ANKS6: variants seen among roughly 807,000 people sequenced by gnomAD.
The protein encoded by ANKS6 is ankyrin repeat and sterile alpha motif domain containing 6.
ANKS6 carries 47 observed loss-of-function variants against 77.9 expected under a neutral mutation model. The observed-to-expected ratio is 0.60, with a 90% CI of 0.48 to 0.77. ANKS6 has a LOEUF of 0.77. ANKS6 is among the 30% of genes least tolerant of loss of function. ANKS6 has a pLI of 0.00. For synonymous variants in ANKS6, 488 were observed against 501.7 expected (o/e 0.97, Z 0.37); for missense variants, 1,150 against 1,159.1 (o/e 0.99, Z 0.11).
chr9:98,762,739 GA>G (rs1352410857), intron 11 of ANKS6, among the ~76,000 whole-genome samples: 4 of 152,130 alleles, frequency 2.6e-5, no homozygotes, highest in Admixed American at 2.0e-4. Context: ...CACTTGGTCA[GA>G]AGGTATTATA....
chr9:98,766,866 T>C (rs1833326332), intron 11 of ANKS6, among the ~76,000 whole-genome samples: 1 of 152,304 alleles, frequency 6.6e-6, no homozygotes, highest in Admixed American at 6.5e-5. Context: ...CTTTCTGTGT[T>C]TGGACTTTTC....
At chr9:98,779,179 G>C (rs1339751762) in intron 6 of ANKS6, among the ~76,000 whole-genome samples, 1 of 152,224 alleles carries the variant, frequency 6.6e-6, no homozygotes, top group African/African-American at 2.4e-5. Flanking sequence ...CAAGACCAGT[G>C]TGTTGTTTTG....
chr9:98,791,435 G>C lies in ANKS6; in HGVS notation c.360-829C>G, dbSNP rs1020467776. Among the ~76,000 whole-genome samples the C allele has an allele frequency of 1.3e-5, 2 of 152,164 alleles. No individual in the cohort carries two copies. Among genetic ancestry groups the C allele is most frequent in the African/African-American group, 4.8e-5 (2 of 41,434 alleles). On this transcript the variant is annotated intron_variant, in intron 1 of 14. Coordinates refer to ENST00000353234, the MANE Select transcript of ANKS6 (RefSeq NM_173551.5). The surrounding 1 kb of genome is among the most constrained non-coding windows in gnomAD (Gnocchi z 4.3). Reference sequence around the variant, plus strand: ...TCACTGCTGGGCCCCTGAAGAGAAAGATCTGCACCCACCAACTTCCTAGTA... The same window carrying C: ...TCACTGCTGGGCCCCTGAAGAGAAACATCTGCACCCACCAACTTCCTAGTA...
chr9:98,753,731 C>T (rs1241844310), intron 12 of ANKS6, among the ~76,000 whole-genome samples: 1 of 152,086 alleles, frequency 6.6e-6, no homozygotes, highest in African/African-American at 2.4e-5. Context: ...GAAAGTGAAG[C>T]TGAGCAGAGA....
In ANKS6 at chr9:98,783,990, G is replaced by C. The variant is rs1474535397; in HGVS notation, c.1075C>G (p.His359Asp). 3.1e-6 allele frequency: 5 copies of C among 1,606,606 alleles called. No individual in the cohort carries two copies. The highest frequency in any genetic ancestry group is 1.3e-5 in the African/African-American group (1 of 74,756). Reference protein sequence around the residue: ...HADVDKQDSVHGWTALMQATY... With the variant: ...HADVDKQDSVDGWTALMQATY... ...GCCTGCATGAGGGCCGTCCAGCCAT[G>C]CACGCTGTCCTGCTTGTCAACATCC... The change falls in exon 4 of 15, where the codon CAT becomes GAT. Residue 359 changes from histidine to aspartate, a missense_variant. By Grantham distance (81) the His-to-Asp change is moderately conservative. Transcript: ENST00000353234.
Position 98,780,220 on chromosome 9 carries a change from G to A in ANKS6, c.1337C>T (p.Pro446Leu), listed in dbSNP as rs559975235. 6.2e-7 allele frequency: 1 copy of A among 1,614,094 alleles called. No homozygotes were observed. The highest frequency in any genetic ancestry group is 1.1e-5 in the South Asian group (1 of 91,040). ...TCCACCCTTGTCATCGGGCAGCACTGGGATGCTCCAGGGCTGTCGGACCTT... is the reference window on the plus strand; with the variant it reads ...TCCACCCTTGTCATCGGGCAGCACTAGGATGCTCCAGGGCTGTCGGACCTT... ...HSKVRQPWSI[P>L]VLPDDKGGLK... Residue 446 changes from proline (P) to leucine (L), a missense_variant, in exon 6 of 15, where the codon CCA becomes CTA. Pro to Leu is a moderately conservative substitution (Grantham distance 98). Transcript: ENST00000353234.
At chr9:98,792,745 A>G (rs935699624) in intron 1 of ANKS6, among the ~76,000 whole-genome samples, 2 of 152,242 alleles carry the variant, frequency 1.3e-5, no homozygotes, top group African/African-American at 4.8e-5. Flanking sequence ...TTACAGTGGA[A>G]AGCAATTAAT....
intron 4 of ANKS6, 61 bp from the exon 5 acceptor site, chr9:98,782,634 A>C (rs1266087347): frequency 6.2e-6 from 8 of 1,295,568 alleles, no homozygotes; most frequent in Non-Finnish European, 7.8e-6. Context: ...GCTCCTGGGC[A>C]ACAAAACCAA....
chr9:98,752,744 A>AAGCCCAGTGGTCT, intron 12 of ANKS6, among the ~76,000 whole-genome samples: 1 of 152,188 alleles, frequency 6.6e-6, no homozygotes, highest in East Asian at 1.9e-4. Context: ...GCAGGGACTC[A>AAGCCCAGTGGTCT]AGCCCAGTGG....
rs7870978 is a variant in ANKS6 at position 98,792,443 on chromosome 9, T to C, written c.360-1837A>G. On this transcript the variant is annotated intron_variant, in intron 1 of 14. Transcript: ENST00000353234. ...CATATTGTTTCCCCAGCCCCTACCATAGTGGCTGATCCACATCGGAGCTCA... is the reference window on the plus strand; with the variant it reads ...CATATTGTTTCCCCAGCCCCTACCACAGTGGCTGATCCACATCGGAGCTCA... 9.4e-3 allele frequency among the ~76,000 whole-genome samples: 1,426 copies of C among 152,244 alleles called. 13 individuals are homozygous for C. The highest frequency in any genetic ancestry group is 0.027 in the African/African-American group (1,102 of 41,552).
chr9:98,735,912 A>G lies in ANKS6; in HGVS notation c.*607T>C. On this transcript the variant is annotated 3_prime_UTR_variant, in exon 15 of 15. Transcript: ENST00000353234. Reference sequence around the variant, plus strand: ...CTGAAAGGGGGTCAAAAAAGACTTCATCTGAGAGGTGACTTGGACTAGGAG... The same window carrying G: ...CTGAAAGGGGGTCAAAAAAGACTTCGTCTGAGAGGTGACTTGGACTAGGAG... 1 of 1,231,326 alleles carries G rather than the reference A, an allele frequency of 8.1e-7. No individual in the cohort carries two copies. The highest frequency in any genetic ancestry group is 1.0e-6 in the Non-Finnish European group (1 of 988,282). 76.3% of individuals were successfully genotyped at this position (1,231,326 alleles called of 1,614,324 possible). A position where few individuals can be genotyped will look rare whatever the true frequency, so the allele number is the denominator to read the frequency against.
intron 11 of ANKS6, among the ~76,000 whole-genome samples, chr9:98,759,990 AAC>A (rs1210700728): frequency 1.3e-5 from 2 of 152,238 alleles, no homozygotes; most frequent in African/African-American, 4.8e-5. Flanking sequence ...GAATCTTCCC[AAC>A]ACAAAGAAAT....
At chr9:98,744,523 G>A (rs1211381685) in intron 14 of ANKS6, among the ~76,000 whole-genome samples, 3 of 152,218 alleles carry the variant, frequency 2.0e-5, no homozygotes, top group Non-Finnish European at 2.9e-5. Flanking sequence ...CAGGACTGAT[G>A]AGGAAACGTA....
rs1162916239 is a variant in ANKS6 at position 98,732,159 on chromosome 9, G to A, written c.*4360C>T. 1.5e-5 allele frequency: 5 copies of A among 334,064 alleles called. No homozygotes were observed. Among genetic ancestry groups the A allele is most frequent in the Non-Finnish European group, 2.8e-5 (5 of 180,208 alleles). 20.7% of individuals were successfully genotyped at this position (334,064 alleles called of 1,614,324 possible). On this transcript the variant is annotated 3_prime_UTR_variant, in exon 15 of 15. Transcript: ENST00000353234. Reference sequence around the variant, plus strand: ...GTGCTTCACAGTGCCTCCTGCTGATGGCACCTTCATTCTGGCTGCAGAATT... The same window carrying A: ...GTGCTTCACAGTGCCTCCTGCTGATAGCACCTTCATTCTGGCTGCAGAATT...
intron 1 of ANKS6, 29 bp downstream of exon 1, chr9:98,796,104 T>A (rs1835160356): frequency 3.8e-6 from 5 of 1,315,128 alleles, no homozygotes; most frequent in Admixed American, 3.8e-5. Flanking sequence ...ACCACTCTGG[T>A]CCCGGGCCCC....
rs763101966 is a variant in ANKS6, at chr9:98,790,454, T to A, written c.512A>T (p.Asp171Val). ...KLLLEAGAFV[D>V]HHHPSGEQLG... ...TTGCTCGCCTGAAGGGTGGTGATGG[T>A]CCACAAAGGCACCGGCTTCCAGGAG... is the stretch of plus-strand genomic sequence containing the variant. Residue 171 changes from aspartate to valine, a missense_variant, in exon 2 of 15, where the codon GAC (aspartate) becomes GTC (valine). By Grantham distance (152) the Asp-to-Val change is radical. Transcript: ENST00000353234. 2 of 1,613,700 alleles carry A rather than the reference T, an allele frequency of 1.2e-6. No homozygotes were observed. Among genetic ancestry groups the A allele is most frequent in the South Asian group, 2.2e-5 (2 of 91,052 alleles).
chr9:98,762,051 T>A lies in ANKS6; in HGVS notation c.2143-5448A>T, dbSNP rs560786923. On this transcript the variant is annotated intron_variant, in intron 11 of 14. Transcript: ENST00000353234. ...CTCTTCATTTATTTAAGCTTCTTTATCAGTGTTTTGTAGTTTTTGACCTTT... is the reference window on the plus strand; with the variant it reads ...CTCTTCATTTATTTAAGCTTCTTTAACAGTGTTTTGTAGTTTTTGACCTTT... Among the ~76,000 whole-genome samples the A allele has an allele frequency of 2.0e-5, 3 of 152,338 alleles. No individual in the cohort carries two copies. In the South Asian group the frequency reaches 6.2e-4, roughly 32 times the overall value.
chr9:98,746,882 G>A (rs1010110046), intron 13 of ANKS6, among the ~76,000 whole-genome samples: 5 of 152,190 alleles, frequency 3.3e-5, no homozygotes, highest in Non-Finnish European at 2.9e-5. Flanking sequence ...CAACAACAGC[G>A]CTTATCTGGG....
At chr9:98,750,602 GA>G (rs1408220340) in intron 13 of ANKS6, among the ~76,000 whole-genome samples, 1 of 152,124 alleles carries the variant, frequency 6.6e-6, no homozygotes, top group Admixed American at 6.6e-5. Flanking sequence ...CCAAACTGCA[GA>G]ACAGTATTCT....
Sources: gnomAD v4.1 joint callset for allele counts (sites outside exome capture counted in the v4.1 genomes callset) on GRCh38, gnomAD v4.1.1 for gene constraint, Gnocchi (gnomAD v3.1) non-coding constraint, MANE v1.5 for transcripts, NCBI Gene and HGNC (gene_info 2026-07-23, HGNC 2026-07-21) for gene names.